Variants in CSN1S1 observed in about 807,000 individuals in gnomAD.
CSN1S1 encodes the protein casein alpha s1, also known as alpha-S1-casein.
In CSN1S1, 63 loss-of-function variants were observed where a neutral mutation model predicts 49.1. That is an observed-to-expected ratio of 1.28 (90% CI 1.05 to 1.58). The LOEUF (loss-of-function observed/expected upper bound fraction) is 1.58. Ranked by LOEUF, CSN1S1 falls within the 40% of genes most tolerant of loss-of-function variation. The pLI, the probability that CSN1S1 is intolerant of heterozygous loss-of-function variation, is 0.00. For synonymous variants in CSN1S1, 78 were observed against 67.1 expected (o/e 1.16, Z -0.79); for missense variants, 260 against 224.7 (o/e 1.16, Z -1.01).
In CSN1S1 at chr4:69,936,449, C is replaced by G; in HGVS notation, c.130-7C>G. On this transcript the variant is annotated splice_region_variant and splice_polypyrimidine_tract_variant and intron_variant, in intron 5 of 15. Coordinates refer to ENST00000246891, the MANE Select transcript of CSN1S1 (RefSeq NM_001890.2). The stretch of plus-strand genomic sequence containing the variant: ...ATATTGTTTATGTTTTCTTTTTTAT[C>G]CCTAAGGAATACATGAATGGTATGA... 6.5e-7 allele frequency: 1 copy of G among 1,538,144 alleles called. No individual in the cohort carries two copies. Among genetic ancestry groups the G allele is most frequent in the Admixed American group, 1.7e-5 (1 of 58,680 alleles).
chr4:69,941,862 G>A (rs1000831959), intron 12 of CSN1S1, among the ~76,000 whole-genome samples, 184 bp from the exon 13 acceptor site: 8 of 151,750 alleles, frequency 5.3e-5, no homozygotes, highest in Non-Finnish European at 1.2e-4. Context: ...ATATGATATG[G>A]CTAGTCTGTA....
intron 13 of CSN1S1, 87 bp from the exon 14 acceptor site, chr4:69,942,449 G>A (rs1206546229): frequency 2.9e-6 from 3 of 1,023,276 alleles, no homozygotes; most frequent in Non-Finnish European, 4.5e-6. Flanking sequence ...CATGAATGAT[G>A]TTATGTATAC....
In CSN1S1 at chr4:69,944,940, T is replaced by A; in HGVS notation, c.493T>A (p.Ser165Thr). Residue 165 changes from serine to threonine, a missense_variant, in exon 15 of 16, where the codon TCC becomes ACC. Transcript: ENST00000246891. ...IMQYVPFPPF[S>T]DISNPTAHEN... ...GCAGTATGTTCCTTTCCCACCGTTTTCCGACATCTCCAATCCCACTGCTCA... is the reference window on the plus strand; with the variant it reads ...GCAGTATGTTCCTTTCCCACCGTTTACCGACATCTCCAATCCCACTGCTCA... 6.2e-7 allele frequency: 1 copy of A among 1,612,988 alleles called. No homozygotes were observed. Among genetic ancestry groups the A allele is most frequent in the Non-Finnish European group, 8.5e-7 (1 of 1,179,314 alleles).
At chr4:69,936,271 T>C (rs1251278353) in intron 5 of CSN1S1, among the ~76,000 whole-genome samples, 185 bp from the exon 6 acceptor site, 1 of 151,996 alleles carries the variant, frequency 6.6e-6, no homozygotes, top group Non-Finnish European at 1.5e-5. Flanking sequence ...ATTGACTTAA[T>C]TGTGTAGTGA....
At chr4:69,939,433 C>A (rs1722905510) in intron 10 of CSN1S1, among the ~76,000 whole-genome samples, 1 of 151,704 alleles carries the variant, frequency 6.6e-6, no homozygotes, top group Non-Finnish European at 1.5e-5. Flanking sequence ...TCTTATCTGG[C>A]CATCTGTGAT....
chr4:69,942,070 T>C lies in CSN1S1; in HGVS notation c.360+7T>C, dbSNP rs1722987820. The C allele has an allele frequency of 4.2e-6, 6 of 1,444,074 alleles. No individual in the cohort carries two copies. Among genetic ancestry groups the C allele is most frequent in the Non-Finnish European group, 5.6e-6 (6 of 1,069,802 alleles). The allele number at this position is 1,444,074 out of a possible 1,614,324, so 89.5% of individuals were successfully genotyped here. The stretch of plus-strand genomic sequence containing the variant: ...GCAAGCTGCCCATGCCCAGGTGAGA[T>C]TATTTATTAAATCTAAAATATTTTA... On this transcript the variant is annotated splice_region_variant and intron_variant, in intron 13 of 15. Transcript: ENST00000246891.
At chr4:69,934,566 G>C (rs145980911) in intron 3 of CSN1S1, 124 bp from the exon 4 acceptor site, 1 of 814,216 alleles carries the variant, frequency 1.2e-6, no homozygotes, top group Non-Finnish European at 2.0e-6. Context: ...TTACAGTTTG[G>C]TCTCATTTGA....
At chr4:69,946,008 A>G (rs886483868) in intron 15 of CSN1S1, among the ~76,000 whole-genome samples, 188 bp from the exon 16 acceptor site, 29 of 152,144 alleles carry the variant, frequency 1.9e-4, no homozygotes, top group Middle Eastern at 3.4e-3. Context: ...ATTTAGTAAT[A>G]AAAATGTCTT....
At chr4:69,941,134 G>A (rs1578136269) in intron 12 of CSN1S1, 74 bp downstream of exon 12, 3 of 637,804 alleles carry the variant, frequency 4.7e-6, no homozygotes, top group Admixed American at 7.9e-5. Context: ...TTAAATTGGG[G>A]CCATTTCTAA....
At chr4:69,935,996 T>C (rs372765833) in intron 5 of CSN1S1, 47 bp downstream of exon 5, 3 of 1,422,004 alleles carry the variant, frequency 2.1e-6, no homozygotes, top group Non-Finnish European at 2.9e-6. Context: ...CAAAGAGAAG[T>C]AAGTGTTAAG....
At chr4:69,935,270 G>A (rs1195929955) in intron 4 of CSN1S1, among the ~76,000 whole-genome samples, 1 of 151,770 alleles carries the variant, frequency 6.6e-6, no homozygotes, top group East Asian at 1.9e-4. Flanking sequence ...TGGGTGCTGT[G>A]GCTCACACCT....
At chr4:69,935,551 T>TTTG (rs897235544) in intron 4 of CSN1S1, among the ~76,000 whole-genome samples, 22 of 152,172 alleles carry the variant, frequency 1.4e-4, no homozygotes, top group Admixed American at 6.6e-4. Flanking sequence ...AAAGTGGTTT[T>TTTG]TTGTTGTTGT....
Position 69,936,492 on chromosome 4 carries a change from A to G in CSN1S1, c.153+13A>G. 1 of 1,582,618 alleles carries G rather than the reference A, an allele frequency of 6.3e-7. No individual in the cohort carries two copies. The highest frequency in any genetic ancestry group is 2.2e-5 in the East Asian group (1 of 44,554). ...TGGTATGAACAGGGTAAGAAACATC[A>G]ATGAAATTTAAATTATGTTAAAAGT... On this transcript the variant is annotated intron_variant, in intron 6 of 15. Coordinates refer to ENST00000246891, the MANE Select transcript of CSN1S1 (RefSeq NM_001890.2).
rs1034916118 is a variant in CSN1S1, at chr4:69,940,999, A to G, written c.301-20A>G. ...CTGAATGACATCCAAGCAATTGAGA[A>G]TATTTTTCTTTTTAAATAGGAACAG... On this transcript the variant is annotated intron_variant, in intron 11 of 15. Transcript: ENST00000246891. 9.4e-6 allele frequency: 13 copies of G among 1,388,980 alleles called. No individual in the cohort carries two copies. In the African/African-American group the frequency reaches 1.7e-4, roughly 19 times the overall value. The allele number at this position is 1,388,980 out of a possible 1,614,324, so 86.0% of individuals were successfully genotyped here. A position where few individuals can be genotyped will look rare whatever the true frequency, so the allele number is the denominator to read the frequency against.
chr4:69,936,361 T>C, intron 5 of CSN1S1, 95 bp from the exon 6 acceptor site: 1 of 936,014 alleles, frequency 1.1e-6, no homozygotes, highest in Non-Finnish European at 1.7e-6. Flanking sequence ...TTTAAATTTG[T>C]ATCAGCACGA....
At position 69,945,254 on chromosome 4, in the gene CSN1S1, G is replaced by A. The variant is rs10002549; in HGVS notation, c.557+250G>A. Among the ~76,000 whole-genome samples the A allele has an allele frequency of 4.5e-3, 691 of 152,022 alleles. 6 individuals carry two copies. Among genetic ancestry groups the A allele is most frequent in the African/African-American group, 0.016 (657 of 41,500 alleles). ...AAGTGATATTTATTCTAATGAGCCT[G>A]GAAAATAACTTCTTTTCAAGTTAAA... On this transcript the variant is annotated intron_variant, in intron 15 of 15. Coordinates refer to ENST00000246891, the MANE Select transcript of CSN1S1 (RefSeq NM_001890.2).
Position 69,934,222 on chromosome 4 carries a change from T to C in CSN1S1, c.62T>C (p.Leu21Pro). ...AVALARPKLP[L>P]RYPERLQNPS... is the part of the protein sequence containing the mutation. The stretch of plus-strand genomic sequence containing the variant: ...CATTGTTTTTCACAGAAACTTCCTC[T>C]TAGATACCCAGAACGCCTTCAGGTA... Residue 21 changes from leucine to proline, a missense_variant, in exon 3 of 16, where the codon CTT (leucine) becomes CCT (proline). By Grantham distance (98) the Leu-to-Pro change is moderately conservative. Transcript: ENST00000246891. The C allele has an allele frequency of 6.2e-7, 1 of 1,610,778 alleles. No individual in the cohort carries two copies. The highest frequency in any genetic ancestry group is 1.3e-5 in the African/African-American group (1 of 74,904).
chr4:69,932,564 T>C lies in CSN1S1; in HGVS notation c.9T>C (p.Leu3=), dbSNP rs1437233194. The change falls in exon 2 of 16, where the codon CTT becomes CTC. Residue 3 remains leucine, a synonymous_variant. Coordinates refer to ENST00000246891, the MANE Select transcript of CSN1S1 (RefSeq NM_001890.2). The stretch of plus-strand genomic sequence containing the variant: ...CATAGGCTCTGATAACCATGAGGCT[T>C]CTCATTCTCACCTGTCTTGTGGCTG... MR[L]LILTCLVAVA... is the part of the protein sequence containing the mutation. The C allele has an allele frequency of 2.5e-6, 4 of 1,603,568 alleles. No homozygotes were observed. The African/African-American group carries it at 4.0e-5, about 16-fold the overall frequency.
At chr4:69,932,383 A>C (rs1302054418) in intron 1 of CSN1S1, among the ~76,000 whole-genome samples, 161 bp from the exon 2 acceptor site, 1 of 151,988 alleles carries the variant, frequency 6.6e-6, no homozygotes, top group East Asian at 1.9e-4. Context: ...TGAGTAGTAA[A>C]GTTTTTAAAA....
Sources: gnomAD v4.1 joint callset for allele counts (sites outside exome capture counted in the v4.1 genomes callset) on GRCh38, gnomAD v4.1.1 for gene constraint, MANE v1.5 for transcripts, NCBI Gene and HGNC (gene_info 2026-07-23, HGNC 2026-07-21) for gene names.